TMEM131: variants seen among roughly 807,000 people sequenced by gnomAD.
The protein encoded by TMEM131 is transmembrane protein 131.
TMEM131 carries 66 observed loss-of-function variants against 211.6 expected under a neutral mutation model. The observed-to-expected ratio is 0.31, with a 90% CI of 0.26 to 0.38. The LOEUF is 0.38. Among genes scored for constraint, TMEM131 ranks in the 10% least tolerant of loss-of-function variants. The pLI, the probability that TMEM131 is intolerant of heterozygous loss-of-function variation, is 1.00. For synonymous variants in TMEM131, 844 were observed against 841.3 expected, an observed-to-expected ratio of 1.00 and a Z score of -0.06; for missense variants, 2,036 against 2,299.3, an observed-to-expected ratio of 0.89 and a Z score of 2.34.
At chr2:97,787,576 A>G (rs1680312131) in intron 31 of TMEM131, among the ~76,000 whole-genome samples, 1 of 152,180 alleles carries the variant, frequency 6.6e-6, no homozygotes, top group African/African-American at 2.4e-5. Context: ...CAGGTGGACA[A>G]TCTCTTATCT....
At chr2:97,778,174 G>T (rs189791410) in intron 31 of TMEM131, among the ~76,000 whole-genome samples, 1,535 of 152,218 alleles carry the variant, frequency 0.01, 14 homozygotes, top group South Asian at 0.024. Context: ...GAAATGGCTG[G>T]AAATGAATTT....
rs542371710 is a variant in TMEM131, at chr2:97,759,394, C to T, written c.5206+258G>A. 758 of 526,702 alleles carry T rather than the reference C, an allele frequency of 1.4e-3. 1 individual carries two copies. The highest frequency in any genetic ancestry group is 1.9e-3 in the Admixed American group (59 of 31,050). 32.6% of individuals were successfully genotyped at this position (526,702 alleles called of 1,614,324 possible). A position where few individuals can be genotyped will look rare whatever the true frequency, so the allele number is the denominator to read the frequency against. On this transcript the variant is annotated intron_variant, in intron 39 of 40. Transcript: ENST00000186436. ...GGTCCCATTTCAGACCAGAACCCTTCTGTGAAGCCCTTCAATACCCGCCAT... is the reference window on the plus strand; with the variant it reads ...GGTCCCATTTCAGACCAGAACCCTTTTGTGAAGCCCTTCAATACCCGCCAT...
chr2:97,760,023 CT>C, intron 38 of TMEM131: 2 of 398,632 alleles, frequency 5.0e-6, no homozygotes, highest in Non-Finnish European at 9.1e-6. Context: ...CTTCTGTTTG[CT>C]TTTTGGTACT....
Position 97,995,696 on chromosome 2 carries a change from C to T in TMEM131, c.-34G>A, listed in dbSNP as rs1444709613. ...GCCGGGGGCCGCCGCGCTCGAGGTCCGGCGCGGCCCTTCTCGGCGAGGCGG... is the reference window on the plus strand; with the variant it reads ...GCCGGGGGCCGCCGCGCTCGAGGTCTGGCGCGGCCCTTCTCGGCGAGGCGG... On this transcript the variant is annotated 5_prime_UTR_variant, in exon 1 of 41. Coordinates refer to ENST00000186436, the MANE Select transcript of TMEM131 (RefSeq NM_015348.2). 5.1e-5 allele frequency: 60 copies of T among 1,184,432 alleles called. No homozygotes were observed. The African/African-American group carries it at 7.4e-4, about 15-fold the overall frequency. The allele number at this position is 1,184,432 out of a possible 1,614,324, so 73.4% of individuals were successfully genotyped here.
intron 3 of TMEM131, among the ~76,000 whole-genome samples, chr2:97,894,349 T>C (rs1573522759): frequency 6.6e-6 from 1 of 152,294 alleles, no homozygotes; most frequent in South Asian, 2.1e-4. Context: ...CTTAGAGTTG[T>C]CTTGGCTACG....
At chr2:97,861,396 G>A (rs1194136724) in intron 4 of TMEM131, among the ~76,000 whole-genome samples, 2 of 151,264 alleles carry the variant, frequency 1.3e-5, no homozygotes, top group Non-Finnish European at 2.9e-5. Context: ...GAGGAGAGGA[G>A]GGGGAAGAGA....
At chr2:97,971,376 A>C (rs113047957) in intron 1 of TMEM131, among the ~76,000 whole-genome samples, 4 of 152,328 alleles carry the variant, frequency 2.6e-5, no homozygotes, top group African/African-American at 7.2e-5. Context: ...GAAGGGGGGA[A>C]AATATACCAT....
intron 1 of TMEM131, among the ~76,000 whole-genome samples, chr2:97,971,846 A>G (rs1573634625): frequency 6.6e-6 from 1 of 152,132 alleles, no homozygotes; most frequent in South Asian, 2.1e-4. Context: ...TGGGTGACAG[A>G]GCAAGACCCT....
intron 22 of TMEM131, among the ~76,000 whole-genome samples, chr2:97,803,472 T>C (rs920839574): frequency 1.1e-4 from 16 of 152,212 alleles, no homozygotes; most frequent in Admixed American, 1.0e-3. Flanking sequence ...GCCAGTTGCT[T>C]AGAACTCAGA....
intron 11 of TMEM131, among the ~76,000 whole-genome samples, chr2:97,828,852 T>C (rs1356144385): frequency 6.6e-6 from 1 of 152,262 alleles, no homozygotes; most frequent in Non-Finnish European, 1.5e-5. Context: ...CTTCCCTTTC[T>C]AGGTCCTGTG....
chr2:97,957,874 T>C (rs1322330165), intron 1 of TMEM131, among the ~76,000 whole-genome samples: 1 of 151,906 alleles, frequency 6.6e-6, no homozygotes, highest in Non-Finnish European at 1.5e-5. Flanking sequence ...CTACTGCACA[T>C]AACCACAGTG....
At chr2:97,772,534 A>C in intron 32 of TMEM131, 110 bp from the exon 33 acceptor site, 1 of 1,235,538 alleles carries the variant, frequency 8.1e-7, no homozygotes, top group South Asian at 1.5e-5. Context: ...TACACATCAT[A>C]TACGTAAAAA....
intron 1 of TMEM131, among the ~76,000 whole-genome samples, chr2:97,992,500 T>C (rs1008569562): frequency 2.0e-5 from 3 of 152,174 alleles, no homozygotes; most frequent in African/African-American, 7.2e-5. Context: ...AAATTTAAAT[T>C]GTCATAAATT....
chr2:97,995,756 G>C lies in TMEM131; in HGVS notation c.-94C>G. The C allele has an allele frequency of 2.1e-6, 2 of 971,948 alleles. No individual in the cohort carries two copies. Among genetic ancestry groups the C allele is most frequent in the Non-Finnish European group, 2.6e-6 (2 of 781,906 alleles). The allele number at this position is 971,948 out of a possible 1,614,324, so 60.2% of individuals were successfully genotyped here. ...GGAAGCCGTGGTCCGGGCTCTGGCC[G>C]CGGCGCCGGGAGCGACAACGGTTGC... On this transcript the variant is annotated 5_prime_UTR_variant, in exon 1 of 41. Coordinates refer to ENST00000186436, the MANE Select transcript of TMEM131 (RefSeq NM_015348.2).
chr2:97,838,278 C>A (rs1467066838), intron 7 of TMEM131, among the ~76,000 whole-genome samples: 1 of 151,888 alleles, frequency 6.6e-6, no homozygotes, highest in Middle Eastern at 3.4e-3. Flanking sequence ...AACCCTAATT[C>A]TTAAAAAGAA....
chr2:97,902,903 C>G (rs1279016775), intron 3 of TMEM131, among the ~76,000 whole-genome samples: 4 of 152,188 alleles, frequency 2.6e-5, no homozygotes, highest in African/African-American at 9.7e-5. Flanking sequence ...GAACGCTGGA[C>G]TCCCAAGTTC....
chr2:97,861,806 G>T (rs1674080068), intron 4 of TMEM131, among the ~76,000 whole-genome samples: 1 of 152,138 alleles, frequency 6.6e-6, no homozygotes, highest in Non-Finnish European at 1.5e-5. Flanking sequence ...GGAACTCACT[G>T]TCCTGAAGAG....
At chr2:97,784,643 C>T (rs555614701) in intron 31 of TMEM131, among the ~76,000 whole-genome samples, 8 of 151,704 alleles carry the variant, frequency 5.3e-5, no homozygotes, top group African/African-American at 1.2e-4. Flanking sequence ...ATACATAAAA[C>T]GGGGGGGAAA....
chr2:97,806,993 G>C (rs918339662), intron 19 of TMEM131, among the ~76,000 whole-genome samples: 1 of 152,140 alleles, frequency 6.6e-6, no homozygotes, highest in Admixed American at 6.5e-5. Flanking sequence ...TACTTCCCTC[G>C]TGCCTTGTCT....
Sources: gnomAD v4.1 joint callset for allele counts (sites outside exome capture counted in the v4.1 genomes callset) on GRCh38, gnomAD v4.1.1 for gene constraint, MANE v1.5 for transcripts, NCBI Gene and HGNC (gene_info 2026-07-23, HGNC 2026-07-21) for gene names.